Variants in ZNF469 observed in about 807,000 individuals in gnomAD.
ZNF469 encodes the protein zinc finger protein 469.
ZNF469 carries 1 observed loss-of-function variant against 1.0 expected under a neutral mutation model. The observed-to-expected ratio is 1.00, with a 90% CI of 0.35 to 4.73. The LOEUF is 4.73. Among genes scored for constraint, ZNF469 ranks in the 30% most tolerant of loss-of-function variants. The pLI is 0.16. For synonymous variants in ZNF469, 2,703 were observed against 2,363.4 expected (o/e 1.14, Z -4.17); for missense variants, 6,100 against 5,356.3 (o/e 1.14, Z -4.33).
the ZNF469 span, chr16:88,178,572 T>C: frequency 6.6e-6 from 1 of 152,170 alleles, no homozygotes; most frequent in East Asian, 1.9e-4. Flanking sequence ...GAGTGGGAGA[T>C]GACTTTTTCT....
At chr16:88,153,963 C>G in the ZNF469 span, among the ~76,000 whole-genome samples, 95 of 151,818 alleles carry the variant, frequency 6.3e-4, 1 homozygote, top group African/African-American at 1.8e-3. Flanking sequence ...CCTTAAAGGC[C>G]CCATCTTCAA....
intron 1 of ZNF469, among the ~76,000 whole-genome samples, chr16:88,415,933 C>T (rs746684521): frequency 6.6e-6 from 1 of 152,260 alleles, no homozygotes; most frequent in Non-Finnish European, 1.5e-5. Context: ...CAGGACGACT[C>T]GCTTCCCAGC....
the ZNF469 span, among the ~76,000 whole-genome samples, chr16:88,249,817 C>A: frequency 6.6e-6 from 1 of 152,204 alleles, no homozygotes; most frequent in African/African-American, 2.4e-5. Flanking sequence ...CCCTGCTTGG[C>A]CTCCCACATT....
chr16:88,301,596 C>T, the ZNF469 span, among the ~76,000 whole-genome samples: 3,922 of 152,316 alleles, frequency 0.026, 165 homozygotes, highest in African/African-American at 0.09. Context: ...ATCTCCTGAG[C>T]GTTTGGGCAG....
chr16:88,422,961 A>G lies in ZNF469; in HGVS notation c.-191-1846A>G, dbSNP rs528467445. Among the ~76,000 whole-genome samples, 34 of 143,964 alleles carry G rather than the reference A, an allele frequency of 2.4e-4. No individual in the cohort carries two copies. In the East Asian group the frequency reaches 2.9e-3, roughly 12 times the overall value. The allele number at this position is 143,964 out of a possible 152,430, so 94.4% of individuals were successfully genotyped here. The stretch of plus-strand genomic sequence containing the variant: ...TGGATGGATGATGATGGATGAGTGG[A>G]TGGATGGATTAATGGATGGATGGAT... On this transcript the variant is annotated intron_variant, in intron 1 of 2. Transcript: ENST00000565624.
chr16:88,391,534 T>A (rs1364778989), intron 1 of ZNF469, among the ~76,000 whole-genome samples: 1 of 152,248 alleles, frequency 6.6e-6, no homozygotes, highest in East Asian at 1.9e-4. Flanking sequence ...TGGTGTCCTC[T>A]TCATCAAGTG....
the ZNF469 span, among the ~76,000 whole-genome samples, chr16:88,147,779 T>C: frequency 6.6e-6 from 1 of 152,142 alleles, no homozygotes; most frequent in Non-Finnish European, 1.5e-5. Context: ...AGGGGCTTCC[T>C]GCCCTCCACA....
At chr16:88,189,755 TA>T in the ZNF469 span, among the ~76,000 whole-genome samples, 1 of 152,068 alleles carries the variant, frequency 6.6e-6, no homozygotes, top group Non-Finnish European at 1.5e-5. This position sits in a 1 kb window ranked among gnomAD's most constrained non-coding sequence, Gnocchi z 4.3. Flanking sequence ...CTGTCTCTAC[TA>T]AAAATACAAA....
chr16:88,320,524 C>T, the ZNF469 span, among the ~76,000 whole-genome samples: 2 of 152,278 alleles, frequency 1.3e-5, no homozygotes, highest in African/African-American at 2.4e-5. Context: ...GCCCGGATTA[C>T]AGGCGCCCAC....
chr16:88,429,148 C>A lies in ZNF469; in HGVS notation c.1678C>A (p.Pro560Thr), dbSNP rs1375889992. Residue 560 changes from proline to threonine, a missense_variant, in exon 3 of 3, where the codon CCC (proline) becomes ACC (threonine). Pro to Thr is a conservative substitution (Grantham distance 38). Coordinates refer to ENST00000565624, the MANE Select transcript of ZNF469 (RefSeq NM_001367624.2). ...YNGMTDPGAQPLFFGVAQPQV... is the reference protein window; with the variant it reads ...YNGMTDPGAQTLFFGVAQPQV... ...CGGAATGACAGACCCTGGGGCTCAG[C>A]CCCTGTTCTTCGGGGTGGCCCAGCC... The A allele has an allele frequency of 6.5e-7, 1 of 1,549,982 alleles. No homozygotes were observed. Among genetic ancestry groups the A allele is most frequent in the Non-Finnish European group, 8.7e-7 (1 of 1,146,866 alleles).
the ZNF469 span, among the ~76,000 whole-genome samples, chr16:88,190,130 C>T: frequency 6.6e-6 from 1 of 151,506 alleles, no homozygotes; most frequent in East Asian, 2.0e-4. Context: ...GTGGACGGGT[C>T]TCAAGCCACA....
At chr16:88,256,765 G>A in the ZNF469 span, among the ~76,000 whole-genome samples, 69 of 152,188 alleles carry the variant, frequency 4.5e-4, no homozygotes, top group Non-Finnish European at 8.2e-4. Flanking sequence ...GGTGAGAGGC[G>A]ATATCTTATG....
chr16:88,130,350 C>T, the ZNF469 span, among the ~76,000 whole-genome samples: 1 of 152,260 alleles, frequency 6.6e-6, no homozygotes, highest in Non-Finnish European at 1.5e-5. Flanking sequence ...ATCGGCGTCC[C>T]TAGAAACCAC....
intron 1 of ZNF469, among the ~76,000 whole-genome samples, chr16:88,401,857 T>G (rs1904881842): frequency 6.8e-6 from 1 of 146,564 alleles, no homozygotes; most frequent in African/African-American, 2.5e-5. Flanking sequence ...GATACAAGGG[T>G]GGAGGAATAG....
At chr16:88,256,830 T>TCC in the ZNF469 span, among the ~76,000 whole-genome samples, 13 of 135,662 alleles carry the variant, frequency 9.6e-5, no homozygotes, top group South Asian at 2.2e-4. Flanking sequence ...CCTCTTTTCT[T>TCC]TCTTCCTTCC....
the ZNF469 span, among the ~76,000 whole-genome samples, chr16:88,185,460 A>G: frequency 2.1e-5 from 3 of 145,784 alleles, no homozygotes; most frequent in African/African-American, 7.7e-5. Context: ...GTGTGCCCAG[A>G]CCCACACTCA....
the ZNF469 span, among the ~76,000 whole-genome samples, chr16:88,370,190 C>T: frequency 6.6e-6 from 1 of 152,174 alleles, no homozygotes; most frequent in African/African-American, 2.4e-5. Context: ...TTATAACCAG[C>T]TTTTTACACG....
chr16:88,340,387 C>T, the ZNF469 span, among the ~76,000 whole-genome samples: 3 of 152,090 alleles, frequency 2.0e-5, no homozygotes. Flanking sequence ...AGATGTCATG[C>T]GTCAGGTGAC....
At chr16:88,143,399 C>T in the ZNF469 span, among the ~76,000 whole-genome samples, 4 of 152,136 alleles carry the variant, frequency 2.6e-5, no homozygotes, top group Admixed American at 6.5e-5. Flanking sequence ...CGGGCTGGGG[C>T]GCCGAGCAGG....
Sources: allele counts gnomAD v4.1 joint callset (sites outside exome capture counted in the v4.1 genomes callset), GRCh38; gene constraint gnomAD v4.1.1; non-coding constraint Gnocchi (gnomAD v3.1); transcripts MANE v1.5; gene names NCBI Gene and HGNC (gene_info 2026-07-23, HGNC 2026-07-21).